Variants in BNIP3L observed in about 807,000 individuals in gnomAD.
The protein encoded by BNIP3L is BCL2 interacting protein 3 like.
In BNIP3L, 10 loss-of-function variants were observed where a neutral mutation model predicts 25.5. The observed-to-expected ratio is 0.39, with a 90% CI of 0.24 to 0.67. The LOEUF is 0.67. BNIP3L is among the 30% of genes least tolerant of loss of function. BNIP3L has a pLI of 0.45. For synonymous variants in BNIP3L, 113 were observed against 101.2 expected (o/e 1.12, Z -0.70); for missense variants, 215 against 270.9 (o/e 0.79, Z 1.45).
chr8:26,404,493 A>AT (rs1806456053), intron 3 of BNIP3L, among the ~76,000 whole-genome samples: 1 of 152,194 alleles, frequency 6.6e-6, no homozygotes, highest in African/African-American at 2.4e-5. Context: ...ATGTGAGAGA[A>AT]CAGGCTAGAA....
At chr8:26,395,382 G>C (rs1329200523) in intron 3 of BNIP3L, 80 bp downstream of exon 3, 1 of 1,428,900 alleles carries the variant, frequency 7.0e-7, no homozygotes, top group Admixed American at 1.9e-5. Context: ...TAAAATAAAT[G>C]TGAAGACTTT....
In BNIP3L at chr8:26,412,573, C is replaced by T. The variant is rs1020141922; in HGVS notation, c.*2161C>T. On this transcript the variant is annotated 3_prime_UTR_variant, in exon 6 of 6. Transcript: ENST00000380629. The stretch of plus-strand genomic sequence containing the variant: ...TGAAATTATGGAAAATTACTTAAAA[C>T]GTGAATACATCATCACAGTAGAATT... The T allele has an allele frequency of 1.3e-5, 2 of 152,288 alleles. No homozygotes were observed. The highest frequency in any genetic ancestry group is 1.5e-5 in the Non-Finnish European group (1 of 68,014). 9.4% of individuals were successfully genotyped at this position (152,288 alleles called of 1,614,324 possible).
In BNIP3L at chr8:26,412,790, G is replaced by C. The variant is rs537012827; in HGVS notation, c.*2378G>C. 6.6e-6 allele frequency: 1 copy of C among 152,572 alleles called. No homozygotes were observed. The highest frequency in any genetic ancestry group is 1.9e-4 in the East Asian group (1 of 5,198). The allele number at this position is 152,572 out of a possible 1,614,324, so 9.5% of individuals were successfully genotyped here. A position where few individuals can be genotyped will look rare whatever the true frequency, so the allele number is the denominator to read the frequency against. Reference sequence around the variant, plus strand: ...TTACAATTTGGGGACAAAAAGGCAGGCTTCATTTTTCATATGTTTGATGAA... The same window carrying C: ...TTACAATTTGGGGACAAAAAGGCAGCCTTCATTTTTCATATGTTTGATGAA... On this transcript the variant is annotated 3_prime_UTR_variant, in exon 6 of 6. Transcript: ENST00000380629.
At chr8:26,391,066 G>T (rs1199079171) in intron 1 of BNIP3L, among the ~76,000 whole-genome samples, 177 bp from the exon 2 acceptor site, 1 of 152,132 alleles carries the variant, frequency 6.6e-6, no homozygotes, top group South Asian at 2.1e-4. Flanking sequence ...GCTATTTCAG[G>T]AACAGAACTA....
In BNIP3L at chr8:26,391,383, G is replaced by C; in HGVS notation, c.241G>C (p.Glu81Gln). Residue 81 changes from glutamate (E) to glutamine (Q), a missense_variant, in exon 2 of 6, where the codon GAA becomes CAA. This residue lies in a region of BNIP3L where 36 missense variants were observed against 75.2 expected (regional missense o/e 0.48). Transcript: ENST00000380629. ...MEKILLDAQH[E>Q]SGQSSSRGSS... ...GAAGATTCTTTTGGATGCACAACAT[G>C]AATCAGGACAGAGTAGTTCCAGAGG... 3 of 1,605,860 alleles carry C rather than the reference G, an allele frequency of 1.9e-6. No individual in the cohort carries two copies. Among genetic ancestry groups the C allele is most frequent in the Non-Finnish European group, 2.6e-6 (3 of 1,176,306 alleles).
At chr8:26,392,367 A>T (rs1806133557) in intron 2 of BNIP3L, among the ~76,000 whole-genome samples, 1 of 152,230 alleles carries the variant, frequency 6.6e-6, no homozygotes, top group Non-Finnish European at 1.5e-5. Context: ...TATTTTTAGG[A>T]ATGCAGTATG....
intron 2 of BNIP3L, 91 bp downstream of exon 2, chr8:26,391,517 C>A (rs1309170398): frequency 2.1e-5 from 24 of 1,128,200 alleles, no homozygotes; most frequent in African/African-American, 1.6e-5. Context: ...CTTAAATCTT[C>A]ACTTAGCAAA....
intron 4 of BNIP3L, 41 bp downstream of exon 4, chr8:26,408,144 C>T (rs776876975): frequency 6.2e-7 from 1 of 1,611,704 alleles, no homozygotes; most frequent in South Asian, 1.1e-5. Flanking sequence ...CACAGTTGAT[C>T]TGCGCACGCT....
intron 3 of BNIP3L, among the ~76,000 whole-genome samples, chr8:26,398,732 C>CT (rs1806303818): frequency 9.6e-6 from 1 of 104,654 alleles, no homozygotes; most frequent in African/African-American, 3.9e-5. Context: ...GCTAGCAAGA[C>CT]TAATAAAGAA....
chr8:26,397,679 A>G (rs1335029034), intron 3 of BNIP3L, among the ~76,000 whole-genome samples: 1 of 75,064 alleles, frequency 1.3e-5, no homozygotes, highest in African/African-American at 5.2e-5. Context: ...CAGACTGGCA[A>G]ATTGGATAAA....
At chr8:26,405,493 T>C (rs1021624999) in intron 3 of BNIP3L, among the ~76,000 whole-genome samples, 6 of 152,200 alleles carry the variant, frequency 3.9e-5, no homozygotes, top group African/African-American at 9.7e-5. Flanking sequence ...AGATTGGTAC[T>C]AACAAGAGCA....
In BNIP3L at chr8:26,408,053, T is replaced by C; in HGVS notation, c.411T>C (p.Ser137=). 1 of 1,614,230 alleles carries C rather than the reference T, an allele frequency of 6.2e-7. No individual in the cohort carries two copies. Among genetic ancestry groups the C allele is most frequent in the East Asian group, 2.2e-5 (1 of 44,882 alleles). Residue 137 remains serine (S), a synonymous_variant, in exon 4 of 6, where the codon AGT becomes AGC. Coordinates refer to ENST00000380629, the MANE Select transcript of BNIP3L (RefSeq NM_004331.3). ...GEKEVEALKK[S]ADWVSDWSSR... is the part of the protein sequence containing the mutation. ...AGGAAGTCGAGGCTTTGAAGAAAAG[T>C]GCGGACTGGGTATCAGACTGGTCCA...
intron 3 of BNIP3L, among the ~76,000 whole-genome samples, chr8:26,396,365 C>T (rs1394551674): frequency 1.2e-5 from 1 of 80,752 alleles, no homozygotes; most frequent in Non-Finnish European, 2.5e-5. Flanking sequence ...CAGGGGCACA[C>T]TGACACCTCA....
In BNIP3L at chr8:26,408,379, A is replaced by G; in HGVS notation, c.611+3A>G. On this transcript the variant is annotated splice_donor_region_variant and intron_variant, in intron 5 of 5. Transcript: ENST00000380629. ...CATGTTTTGGCTTTGGGGCTAGGGT[A>G]AGTACCGGTCAACTCCTGAAGTTTT... 1.9e-6 allele frequency: 3 copies of G among 1,612,558 alleles called. No homozygotes were observed. The highest frequency in any genetic ancestry group is 2.5e-6 in the Non-Finnish European group (3 of 1,179,188).
At chr8:26,402,388 T>C (rs1481118409) in intron 3 of BNIP3L, among the ~76,000 whole-genome samples, 1 of 152,226 alleles carries the variant, frequency 6.6e-6, no homozygotes, top group Non-Finnish European at 1.5e-5. Context: ...TAGCAGAAAG[T>C]GTACCACGGA....
chr8:26,395,497 ACT>A (rs1284720826), intron 3 of BNIP3L, 195 bp downstream of exon 3: 2 of 555,882 alleles, frequency 3.6e-6, no homozygotes, highest in East Asian at 6.2e-5. Flanking sequence ...GGGCCCTGTC[ACT>A]CTAAACGAAT....
chr8:26,405,400 T>G (rs550669399), intron 3 of BNIP3L, among the ~76,000 whole-genome samples: 1 of 152,316 alleles, frequency 6.6e-6, no homozygotes, highest in African/African-American at 2.4e-5. Flanking sequence ...CTGAGTAATC[T>G]CAATAGCCAA....
At chr8:26,384,411 C>A (rs957944296) in intron 1 of BNIP3L, among the ~76,000 whole-genome samples, 4 of 152,136 alleles carry the variant, frequency 2.6e-5, no homozygotes, top group Admixed American at 6.5e-5. Flanking sequence ...TGGGTTAATT[C>A]CCAAAACCTT....
At chr8:26,387,275 C>T (rs1200617343) in intron 1 of BNIP3L, among the ~76,000 whole-genome samples, 1 of 152,182 alleles carries the variant, frequency 6.6e-6, no homozygotes. Context: ...CTCTGAATCT[C>T]TTAGTCATTC....
Sources: allele counts gnomAD v4.1 joint callset (sites outside exome capture counted in the v4.1 genomes callset), GRCh38; gene constraint gnomAD v4.1.1; regional missense constraint gnomAD v4.1.1; transcripts MANE v1.5; gene names NCBI Gene and HGNC (gene_info 2026-07-23, HGNC 2026-07-21).